Variants in PALM2AKAP2 observed in about 807,000 individuals in gnomAD.
PALM2AKAP2 encodes the protein PALM2 and AKAP2 fusion.
In PALM2AKAP2, 37 loss-of-function variants were observed where a neutral mutation model predicts 71.5. That is an observed-to-expected ratio of 0.52 (90% CI 0.40 to 0.68). The LOEUF is 0.68. PALM2AKAP2 is among the 30% of genes least tolerant of loss of function. The pLI is 0.00. For missense variants in PALM2AKAP2, 1,224 were observed against 1,191.8 expected (o/e 1.03, Z -0.40); for synonymous variants, 468 against 478.8 (o/e 0.98, Z 0.29).
intron 6 of PALM2AKAP2, among the ~76,000 whole-genome samples, chr9:109,987,979 T>G (rs1003309780): frequency 6.6e-6 from 1 of 152,266 alleles, no homozygotes; most frequent in African/African-American, 2.4e-5. Context: ...GTCCCTTTCC[T>G]AAACCAGTCC....
chr9:109,734,043 A>G lies in PALM2AKAP2; in HGVS notation c.6-46445A>G, dbSNP rs1828594085. On this transcript the variant is annotated intron_variant, in intron 1 of 6. Coordinates refer to the PALM2AKAP2 transcript ENST00000374531. ...TGAAAGAACAACTAAAACAGATTCT[A>G]GATGATTTAACCTTGACTTAAAGTA... 4.6e-5 allele frequency among the ~76,000 whole-genome samples: 7 copies of G among 152,246 alleles called. No individual in the cohort carries two copies. In the South Asian group the frequency reaches 1.4e-3, roughly 31 times the overall value.
chr9:109,936,224 G>T (rs936386574), intron 6 of PALM2AKAP2, among the ~76,000 whole-genome samples: 1 of 152,160 alleles, frequency 6.6e-6, no homozygotes, highest in African/African-American at 2.4e-5. Context: ...TCATTTCTTT[G>T]TGTTGGGAAC....
chr9:109,904,362 T>G (rs1180823684), intron 3 of PALM2AKAP2, among the ~76,000 whole-genome samples: 26 of 152,250 alleles, frequency 1.7e-4, no homozygotes, highest in Non-Finnish European at 2.9e-5. Flanking sequence ...TGTTGTAAAC[T>G]CTAAAGCATT....
At position 110,137,855 on chromosome 9, in the gene PALM2AKAP2, G is replaced by A. The variant is rs142423891; in HGVS notation, c.1885G>A (p.Val629Ile). 407 of 1,613,974 alleles carry A rather than the reference G, an allele frequency of 2.5e-4. 2 individuals are homozygous for A. The East Asian group carries it at 4.4e-3, about 18-fold the overall frequency. Residue 629 changes from valine to isoleucine, a missense_variant, in exon 2 of 4, where the codon GTC (valine) becomes ATC (isoleucine). Physicochemically the swap from Val to Ile is conservative, Grantham distance 29 (BLOSUM62 3). Coordinates refer to ENST00000374525, the Ensembl canonical transcript of PALM2AKAP2. ...CCCCTCAGAGGGCCGAGGAGAAGGC[G>A]TCTCCAAGTCATTTAGTGATCATGG... is the stretch of plus-strand genomic sequence containing the variant.
chr9:109,757,122 T>C (rs1828975945), intron 1 of PALM2AKAP2, among the ~76,000 whole-genome samples: 1 of 152,094 alleles, frequency 6.6e-6, no homozygotes, highest in Admixed American at 6.6e-5. Flanking sequence ...CCTACCCTCA[T>C]ACACACCCTT....
At chr9:109,829,994 G>A (rs911053599) in intron 1 of PALM2AKAP2, among the ~76,000 whole-genome samples, 3 of 152,134 alleles carry the variant, frequency 2.0e-5, no homozygotes, top group Non-Finnish European at 4.4e-5. Context: ...AATATGAGGT[G>A]GGAGATGCAT....
chr9:109,746,611 T>C (rs1460272849), intron 1 of PALM2AKAP2, among the ~76,000 whole-genome samples: 2 of 152,172 alleles, frequency 1.3e-5, no homozygotes, highest in Non-Finnish European at 2.9e-5. Context: ...GAGTCTAGTG[T>C]GCTAGCCCAG....
intron 3 of PALM2AKAP2, among the ~76,000 whole-genome samples, chr9:110,158,957 TCTC>T (rs1836530787): frequency 6.6e-6 from 1 of 152,216 alleles, no homozygotes; most frequent in South Asian, 2.1e-4. Flanking sequence ...ATGAGAGCCT[TCTC>T]CTAGCCCTTC....
intron 6 of PALM2AKAP2, among the ~76,000 whole-genome samples, chr9:109,941,832 G>A (rs1358836012): frequency 2.6e-5 from 4 of 152,156 alleles, no homozygotes; most frequent in Non-Finnish European, 4.4e-5. Context: ...GGGGAGACCA[G>A]GTAGGAAGCT....
intron 4 of PALM2AKAP2, among the ~76,000 whole-genome samples, chr9:109,924,593 G>A (rs530554374): frequency 6.6e-6 from 1 of 152,144 alleles, no homozygotes; most frequent in African/African-American, 2.4e-5. Flanking sequence ...CAGCAAGACT[G>A]CGTCTCAAAA....
intron 1 of PALM2AKAP2, among the ~76,000 whole-genome samples, chr9:110,072,618 C>G (rs1237018617): frequency 2.0e-5 from 3 of 152,094 alleles, no homozygotes; most frequent in Non-Finnish European, 4.4e-5. Context: ...CGTAGTAATC[C>G]TTGGGTGCTG....
intron 6 of PALM2AKAP2, among the ~76,000 whole-genome samples, chr9:109,968,717 G>A (rs1459392942): frequency 6.6e-6 from 1 of 152,170 alleles, no homozygotes; most frequent in Non-Finnish European, 1.5e-5. Flanking sequence ...GTGGGGGGAA[G>A]CCCTAAGGAG....
chr9:110,052,307 C>G (rs7033155), intron 1 of PALM2AKAP2, among the ~76,000 whole-genome samples: 4,804 of 152,272 alleles, frequency 0.032, 257 homozygotes, highest in African/African-American at 0.11. Flanking sequence ...TTGGCATGAG[C>G]CTCACCCAGC....
chr9:109,943,227 T>A (rs751397781), intron 6 of PALM2AKAP2: 2 of 1,614,172 alleles, frequency 1.2e-6, no homozygotes, highest in Admixed American at 3.3e-5. Context: ...TTGATGAAGA[T>A]GATGAGAAGT....
chr9:110,028,761 A>G (rs1412036556), intron 7 of PALM2AKAP2, among the ~76,000 whole-genome samples: 1 of 152,126 alleles, frequency 6.6e-6, no homozygotes, highest in Non-Finnish European at 1.5e-5. Flanking sequence ...ATTGCATGGG[A>G]CATACTTATA....
chr9:109,652,116 T>G (rs1211931637), intron 1 of PALM2AKAP2, among the ~76,000 whole-genome samples: 1 of 152,212 alleles, frequency 6.6e-6, no homozygotes, highest in Non-Finnish European at 1.5e-5. Context: ...AATGAAAATG[T>G]GTGTTTCACA....
chr9:110,114,998 C>T (rs1835333451), intron 1 of PALM2AKAP2, among the ~76,000 whole-genome samples: 2 of 152,180 alleles, frequency 1.3e-5, no homozygotes, highest in African/African-American at 4.8e-5. Flanking sequence ...CCACTGCTCC[C>T]CGTATCCCTG....
At chr9:109,662,323 T>C (rs956827400) in intron 1 of PALM2AKAP2, among the ~76,000 whole-genome samples, 1 of 152,218 alleles carries the variant, frequency 6.6e-6, no homozygotes, top group Non-Finnish European at 1.5e-5. Context: ...TAGCTCTTAT[T>C]ATTTTGAAAT....
chr9:109,895,088 C>A (rs187230530), intron 3 of PALM2AKAP2, among the ~76,000 whole-genome samples: 1 of 152,220 alleles, frequency 6.6e-6, no homozygotes, highest in African/African-American at 2.4e-5. Flanking sequence ...CACAGCCAGT[C>A]AGATTTTCCT....
Sources: allele counts gnomAD v4.1 joint callset (sites outside exome capture counted in the v4.1 genomes callset), GRCh38; gene constraint gnomAD v4.1.1; transcripts MANE v1.5; gene names NCBI Gene and HGNC (gene_info 2026-07-23, HGNC 2026-07-21).